The following SYNPR variants were observed in gnomAD, a reference collection of about 807,000 sequenced individuals.
The protein encoded by SYNPR is synaptoporin.
Under a neutral mutation model 32.9 loss-of-function variants are expected in SYNPR, and 23 were observed. That is an observed-to-expected ratio of 0.70 (90% CI 0.50 to 0.99). SYNPR has a LOEUF of 0.99. Ranked by LOEUF, SYNPR falls within the 50% of genes least tolerant of loss-of-function variation. SYNPR has a pLI of 0.00. For missense variants in SYNPR, 318 were observed against 349.3 expected, an observed-to-expected ratio of 0.91 and a Z score of 0.71; for synonymous variants, 146 against 135.9, an observed-to-expected ratio of 1.07 and a Z score of -0.52.
At chr3:63,491,466 T>C (rs1055006706) in intron 3 of SYNPR, among the ~76,000 whole-genome samples, 6 of 152,152 alleles carry the variant, frequency 3.9e-5, no homozygotes, top group African/African-American at 1.4e-4. Context: ...CCTGTTTGTA[T>C]ATGGCCCACA....
chr3:63,407,893 G>C (rs920314870), intron 2 of SYNPR, among the ~76,000 whole-genome samples: 1 of 151,954 alleles, frequency 6.6e-6, no homozygotes, highest in African/African-American at 2.4e-5. Flanking sequence ...ACAGTACCTT[G>C]AGACATTTGA....
intron 4 of SYNPR, among the ~76,000 whole-genome samples, chr3:63,557,670 G>T (rs1420545842): frequency 6.6e-6 from 1 of 152,192 alleles, no homozygotes; most frequent in South Asian, 2.1e-4. Context: ...ATAATTTTCG[G>T]TGACATGTTA....
chr3:63,252,167 T>C (rs17031718), intron 1 of SYNPR, among the ~76,000 whole-genome samples: 3 of 152,166 alleles, frequency 2.0e-5, no homozygotes, highest in African/African-American at 7.2e-5. Context: ...TGTATTCTAT[T>C]TGCAGAAAAA....
At chr3:63,288,080 C>T (rs1023034897) in intron 2 of SYNPR, among the ~76,000 whole-genome samples, 3 of 152,132 alleles carry the variant, frequency 2.0e-5, no homozygotes, top group Non-Finnish European at 4.4e-5. Flanking sequence ...AATGTCCTAA[C>T]AGAAAGAATA....
intron 2 of SYNPR, among the ~76,000 whole-genome samples, chr3:63,464,331 C>A (rs138215012): frequency 6.6e-6 from 1 of 152,114 alleles, no homozygotes; most frequent in Non-Finnish European, 1.5e-5. Context: ...CAGAGATGAA[C>A]AAAGGATGGT....
chr3:63,411,765 G>A (rs2088468947), intron 2 of SYNPR, among the ~76,000 whole-genome samples: 1 of 152,146 alleles, frequency 6.6e-6, no homozygotes, highest in African/African-American at 2.4e-5. Context: ...AATAAGATCT[G>A]GCTTTGGTGG....
At chr3:63,307,789 T>G (rs2086922219) in intron 2 of SYNPR, among the ~76,000 whole-genome samples, 1 of 152,042 alleles carries the variant, frequency 6.6e-6, no homozygotes, top group Non-Finnish European at 1.5e-5. Flanking sequence ...AGTGAGAATT[T>G]CTGTGTTGAA....
At chr3:63,287,876 G>A (rs1426613909) in intron 2 of SYNPR, among the ~76,000 whole-genome samples, 2 of 152,132 alleles carry the variant, frequency 1.3e-5, no homozygotes, top group Middle Eastern at 3.2e-3. Context: ...CATGATAATG[G>A]TGGAGAACTT....
intron 2 of SYNPR, among the ~76,000 whole-genome samples, chr3:63,404,933 G>A (rs985804025): frequency 1.3e-5 from 2 of 152,146 alleles, no homozygotes; most frequent in Admixed American, 1.3e-4. Context: ...CTAACTCTAT[G>A]TAGTCAGAAA....
intron 2 of SYNPR, among the ~76,000 whole-genome samples, chr3:63,297,531 A>G (rs2086801575): frequency 6.6e-6 from 1 of 152,230 alleles, no homozygotes; most frequent in African/African-American, 2.4e-5. Flanking sequence ...TTATTTGGGA[A>G]GCAGACTAAA....
intron 2 of SYNPR, among the ~76,000 whole-genome samples, chr3:63,401,317 A>C (rs539027328): frequency 6.6e-6 from 1 of 152,176 alleles, no homozygotes; most frequent in Non-Finnish European, 1.5e-5. Flanking sequence ...GAATCAAATA[A>C]ATGCTTGATG....
At chr3:63,233,125 G>C (rs182009151) in intron 1 of SYNPR, among the ~76,000 whole-genome samples, 1 of 152,232 alleles carries the variant, frequency 6.6e-6, no homozygotes, top group Admixed American at 6.5e-5. Context: ...GGAACTAAGT[G>C]GTTAAACACA....
intron 2 of SYNPR, among the ~76,000 whole-genome samples, chr3:63,445,875 A>G (rs1274004049): frequency 6.6e-6 from 1 of 152,040 alleles, no homozygotes; most frequent in East Asian, 1.9e-4. Context: ...TAAACATCCT[A>G]TTTTTCCCCA....
intron 3 of SYNPR, among the ~76,000 whole-genome samples, chr3:63,522,192 G>T (rs1262669543): frequency 6.6e-6 from 1 of 152,168 alleles, no homozygotes; most frequent in African/African-American, 2.4e-5. Flanking sequence ...TGCTGCGGTT[G>T]TTATCAATTG....
At chr3:63,219,302 G>T in the SYNPR span, among the ~76,000 whole-genome samples, 1 of 152,208 alleles carries the variant, frequency 6.6e-6, no homozygotes, top group Non-Finnish European at 1.5e-5. Context: ...CCAAGAAACG[G>T]AAAGTTGGCC....
intron 4 of SYNPR, among the ~76,000 whole-genome samples, chr3:63,564,670 T>C (rs900956599): frequency 1.1e-4 from 17 of 152,234 alleles, no homozygotes; most frequent in African/African-American, 4.1e-4. Context: ...AATACATTAA[T>C]CCATTCAAAA....
chr3:63,527,627 C>T (rs970818593), intron 3 of SYNPR, among the ~76,000 whole-genome samples: 1 of 152,164 alleles, frequency 6.6e-6, no homozygotes, highest in Non-Finnish European at 1.5e-5. Context: ...CAAAAAGGCG[C>T]TTTCCCTCTT....
chr3:63,270,687 C>G (rs1455814456), intron 3 of SYNPR, among the ~76,000 whole-genome samples: 2 of 152,096 alleles, frequency 1.3e-5, no homozygotes, highest in Admixed American at 1.3e-4. Context: ...TTTAACTTAT[C>G]TATGCTTCAG....
intron 2 of SYNPR, among the ~76,000 whole-genome samples, chr3:63,257,382 C>G (rs1460226536): frequency 6.6e-6 from 1 of 152,210 alleles, no homozygotes; most frequent in Non-Finnish European, 1.5e-5. Context: ...AGCAGAAACT[C>G]TACAAGCCAG....
Sources: allele counts gnomAD v4.1 joint callset (sites outside exome capture counted in the v4.1 genomes callset), GRCh38; gene constraint gnomAD v4.1.1; transcripts MANE v1.5; gene names NCBI Gene and HGNC (gene_info 2026-07-23, HGNC 2026-07-21).